The following PCDHA10 variants were observed in gnomAD, a reference collection of about 807,000 sequenced individuals.
PCDHA10 encodes the protein protocadherin alpha 10.
A neutral mutation model predicts 61.2 loss-of-function variants in PCDHA10; 45 were observed. The observed-to-expected ratio is 0.74, with a 90% CI of 0.58 to 0.94. The LOEUF is 0.94. PCDHA10 is among the 40% of genes least tolerant of loss of function. The probability of loss-of-function intolerance (pLI) is 0.00; values close to 1 mark genes in which losing one functional copy is unlikely to be tolerated. For missense variants in PCDHA10, 1,278 were observed against 1,236.2 expected, an observed-to-expected ratio of 1.03 and a Z score of -0.51; for synonymous variants, 602 against 548.8, an observed-to-expected ratio of 1.10 and a Z score of -1.35.
At chr5:140,901,452 A>G (rs1352830826) in intron 1 of PCDHA10, among the ~76,000 whole-genome samples, 1 of 152,120 alleles carries the variant, frequency 6.6e-6, no homozygotes, top group African/African-American at 2.4e-5. Flanking sequence ...TTCCCAGCAC[A>G]GACTGTCTTT....
chr5:140,863,319 C>A, intron 1 of PCDHA10: 1 of 1,445,714 alleles, frequency 6.9e-7, no homozygotes, highest in Non-Finnish European at 9.4e-7. Context: ...TGGTGTCCAG[C>A]CTGTTAGTGC....
chr5:140,931,319 T>A (rs1237988294), intron 1 of PCDHA10, among the ~76,000 whole-genome samples: 3 of 152,086 alleles, frequency 2.0e-5, no homozygotes, highest in Non-Finnish European at 4.4e-5. Flanking sequence ...ATACCAGTAA[T>A]GGCTGTAAAG....
chr5:140,915,634 CT>C (rs782528552), intron 1 of PCDHA10, among the ~76,000 whole-genome samples: 9 of 150,114 alleles, frequency 6.0e-5, no homozygotes, highest in Non-Finnish European at 1.3e-4. Context: ...CTGTCTCTCT[CT>C]CTCTCTCTCT....
intron 1 of PCDHA10, among the ~76,000 whole-genome samples, chr5:140,915,331 T>G (rs1485344164): frequency 6.6e-6 from 1 of 152,184 alleles, no homozygotes; most frequent in Non-Finnish European, 1.5e-5. Context: ...TGTTATAATA[T>G]TCTGTGTTTT....
chr5:140,986,246 C>T (rs561365390), intron 3 of PCDHA10, among the ~76,000 whole-genome samples: 1 of 152,178 alleles, frequency 6.6e-6, no homozygotes, highest in African/African-American at 2.4e-5. Flanking sequence ...TGAGCAGACC[C>T]GGACCACAGG....
chr5:140,936,054 G>A (rs1198755229), intron 1 of PCDHA10, among the ~76,000 whole-genome samples: 2 of 151,770 alleles, frequency 1.3e-5, no homozygotes, highest in Non-Finnish European at 1.5e-5. Flanking sequence ...CACCACACCC[G>A]GCTAATTTTT....
intron 1 of PCDHA10, chr5:140,860,892 C>A (rs1554153919): frequency 6.6e-6 from 1 of 152,368 alleles, no homozygotes; most frequent in Non-Finnish European, 1.5e-5. Flanking sequence ...TGCCCGCCAA[C>A]ACGCCAGGCT....
intron 1 of PCDHA10, chr5:140,868,337 C>T (rs1380091281): frequency 1.3e-5 from 2 of 151,836 alleles, no homozygotes; most frequent in African/African-American, 2.4e-5. Context: ...TATAAAGTCA[C>T]TTATAATCAG....
chr5:140,874,359 G>T (rs1456899858), intron 1 of PCDHA10, among the ~76,000 whole-genome samples: 1 of 152,176 alleles, frequency 6.6e-6, no homozygotes, highest in East Asian at 1.9e-4. Context: ...TTGAATTAAT[G>T]AATAAACTCA....
chr5:140,884,230 C>T, intron 1 of PCDHA10: 8 of 1,613,384 alleles, frequency 5.0e-6, no homozygotes, highest in Non-Finnish European at 6.8e-6. Flanking sequence ...TGAAGGACCA[C>T]GGTGAGCCCG....
At chr5:140,882,677 A>C (rs782476966) in intron 1 of PCDHA10, 1 of 1,614,214 alleles carries the variant, frequency 6.2e-7, no homozygotes. Context: ...CCCTGAAAGC[A>C]AGAAACGAAT....
chr5:140,920,387 A>G (rs1163833842), intron 1 of PCDHA10, among the ~76,000 whole-genome samples: 3 of 152,098 alleles, frequency 2.0e-5, no homozygotes, highest in African/African-American at 7.2e-5. Context: ...TCATATTACC[A>G]TCTGGTGTCT....
chr5:140,857,856 A>G lies in PCDHA10; in HGVS notation c.1808A>G (p.Asn603Ser). 6.3e-7 allele frequency: 1 copy of G among 1,597,730 alleles called. No individual in the cohort carries two copies. The highest frequency in any genetic ancestry group is 8.6e-7 in the Non-Finnish European group (1 of 1,167,550). ...GCAGTGGACGCTGACTCTGGATACA[A>G]CGCGTGGCTGTCGTATGAATTGCAG... ...VRAVDADSGY[N>S]AWLSYELQSA... is the part of the protein sequence containing the mutation. Residue 603 changes from asparagine (N) to serine (S), a missense_variant, in exon 1 of 4, where the codon AAC becomes AGC. Transcript: ENST00000307360.
At chr5:140,959,826 T>C (rs2095512884) in intron 1 of PCDHA10, among the ~76,000 whole-genome samples, 1 of 152,224 alleles carries the variant, frequency 6.6e-6, no homozygotes, top group Non-Finnish European at 1.5e-5. Flanking sequence ...CACATGATAA[T>C]GTATTATGCC....
At chr5:140,937,786 T>C (rs246073) in intron 1 of PCDHA10, among the ~76,000 whole-genome samples, 52,378 of 148,788 alleles carry the variant, frequency 0.35, 9,253 homozygotes, top group East Asian at 0.54. Flanking sequence ...GTGGCGGGCG[T>C]ATGTAGTCCC....
At chr5:140,958,495 C>A (rs559117374) in intron 1 of PCDHA10, among the ~76,000 whole-genome samples, 1 of 152,020 alleles carries the variant, frequency 6.6e-6, no homozygotes, top group Non-Finnish European at 1.5e-5. Flanking sequence ...TCCACATATC[C>A]TAGGAGGCAT....
intron 1 of PCDHA10, among the ~76,000 whole-genome samples, chr5:140,950,741 C>A (rs149114023): frequency 1.3e-5 from 2 of 152,006 alleles, no homozygotes; most frequent in African/African-American, 4.8e-5. Flanking sequence ...ATCCTAATTT[C>A]TCTCTATCCT....
intron 1 of PCDHA10, chr5:140,882,520 G>C (rs2059167404): frequency 6.2e-7 from 1 of 1,614,218 alleles, no homozygotes; most frequent in Admixed American, 1.7e-5. Context: ...ATGGCATTTT[G>C]TTTGTGAATT....
intron 3 of PCDHA10, among the ~76,000 whole-genome samples, chr5:141,006,464 C>T (rs1243356826): frequency 5.9e-5 from 9 of 152,100 alleles, no homozygotes; most frequent in African/African-American, 1.7e-4. Context: ...CTGCCTGTCT[C>T]GGCCTCCCAA....
Sources: allele counts gnomAD v4.1 joint callset (sites outside exome capture counted in the v4.1 genomes callset), GRCh38; gene constraint gnomAD v4.1.1; transcripts MANE v1.5; gene names NCBI Gene and HGNC (gene_info 2026-07-23, HGNC 2026-07-21).